Variants in KCNMA1 observed in about 807,000 individuals in gnomAD.
The protein encoded by KCNMA1 is potassium calcium-activated channel subfamily M alpha 1.
Under a neutral mutation model 140.0 loss-of-function variants are expected in KCNMA1, and 29 were observed. The ratio of observed to expected loss-of-function variants is 0.21; its 90% CI spans 0.15 to 0.28. KCNMA1 has a LOEUF of 0.28. Ranked by LOEUF, KCNMA1 falls within the 10% of genes least tolerant of loss-of-function variation. The pLI, the probability that KCNMA1 is intolerant of heterozygous loss-of-function variation, is 1.00. For missense variants in KCNMA1, 880 were observed against 1,602.2 expected (o/e 0.55, Z 7.70); for synonymous variants, 612 against 611.9 (o/e 1.00, Z 0.00).
intron 3 of KCNMA1, among the ~76,000 whole-genome samples, chr10:77,235,151 A>C (rs542354460): frequency 1.3e-5 from 2 of 152,180 alleles, no homozygotes; most frequent in Non-Finnish European, 2.9e-5. Context: ...GCTTCTCTAA[A>C]TATTAGGGCT....
Position 77,108,446 on chromosome 10 carries a change from G to A in KCNMA1, c.1223+35C>T, listed in dbSNP as rs45459294. The A allele has an allele frequency of 0.079, 126,994 of 1,600,762 alleles. 5,753 individuals are homozygous for A. The highest frequency in any genetic ancestry group is 0.092 in the Non-Finnish European group (107,677 of 1,169,310). Reference sequence around the variant, plus strand: ...AATGGCATGCAGAGAGGATTCTACCGCAGCAGAGGCAGCAAAACCTCTTGG... The same window carrying A: ...AATGGCATGCAGAGAGGATTCTACCACAGCAGAGGCAGCAAAACCTCTTGG... On this transcript the variant is annotated intron_variant, in intron 9 of 27. Coordinates refer to ENST00000286628, the MANE Select transcript of KCNMA1 (RefSeq NM_001161352.2). The surrounding 1 kb of genome is among the most constrained non-coding windows in gnomAD (Gnocchi z 4.6).
chr10:77,010,092 A>C (rs1342360855), intron 18 of KCNMA1, among the ~76,000 whole-genome samples: 1 of 152,052 alleles, frequency 6.6e-6, no homozygotes, highest in Non-Finnish European at 1.5e-5. Context: ...TTTCCTTGAT[A>C]CTCTGTGGGA....
intron 19 of KCNMA1, chr10:76,970,469 G>A (rs2075764429): frequency 9.2e-6 from 2 of 216,642 alleles, no homozygotes; most frequent in Admixed American, 1.0e-4. Context: ...CAGAAATAAA[G>A]TTGTATTTGA....
chr10:76,970,039 T>A lies in KCNMA1; in HGVS notation c.2295A>T (p.Ser765=). 6.2e-7 allele frequency: 1 copy of A among 1,613,642 alleles called. No homozygotes were observed. The highest frequency in any genetic ancestry group is 8.5e-7 in the Non-Finnish European group (1 of 1,179,834). ...AFEDEQPSTL[S]PKKKQRNGGM... ...CTCCATTCCGTTGCTTTTTTTTTGG[T>A]GATAGTGTTGACGGCTGCTCATCTT... is the stretch of plus-strand genomic sequence containing the variant. Residue 765 remains serine (S), a synonymous_variant, in exon 20 of 28, where the codon TCA becomes TCT. Coordinates refer to ENST00000286628, the MANE Select transcript of KCNMA1 (RefSeq NM_001161352.2).
intron 1 of KCNMA1, among the ~76,000 whole-genome samples, chr10:77,597,970 G>A (rs1356602638): frequency 1.3e-5 from 2 of 152,050 alleles, no homozygotes; most frequent in Non-Finnish European, 2.9e-5. Flanking sequence ...TTTTTGTTTT[G>A]TTTTGTTTTC....
chr10:77,605,417 T>TA (rs1189258379), intron 1 of KCNMA1, among the ~76,000 whole-genome samples: 1 of 152,044 alleles, frequency 6.6e-6, no homozygotes, highest in Non-Finnish European at 1.5e-5. Context: ...CCCTGAGGAG[T>TA]AACACAACTA....
Position 77,111,709 on chromosome 10 carries a change from T to C in KCNMA1, c.960+658A>G, listed in dbSNP as rs1345839873. Among the ~76,000 whole-genome samples the C allele has an allele frequency of 5.3e-5, 8 of 152,164 alleles. No homozygotes were observed. In the East Asian group the frequency reaches 1.4e-3, roughly 26 times the overall value. On this transcript the variant is annotated intron_variant, in intron 7 of 27. Coordinates refer to ENST00000286628, the MANE Select transcript of KCNMA1 (RefSeq NM_001161352.2). Reference sequence around the variant, plus strand: ...CTTATGCAAATAGAGGCTCAGCCACTGGTGGTCAACTTTATCCAAAGTCTC... The same window carrying C: ...CTTATGCAAATAGAGGCTCAGCCACCGGTGGTCAACTTTATCCAAAGTCTC...
At chr10:77,082,375 C>T (rs991389449) in intron 12 of KCNMA1, among the ~76,000 whole-genome samples, 2 of 152,012 alleles carry the variant, frequency 1.3e-5, no homozygotes, top group Admixed American at 6.6e-5. Flanking sequence ...CACCCTAGTA[C>T]CTATGTGTCT....
intron 19 of KCNMA1, among the ~76,000 whole-genome samples, chr10:76,992,575 C>T (rs2083086535): frequency 6.6e-6 from 1 of 152,178 alleles, no homozygotes; most frequent in South Asian, 2.1e-4. Flanking sequence ...AGCTGGTTGG[C>T]TTGGTGCATT....
intron 15 of KCNMA1, among the ~76,000 whole-genome samples, chr10:77,032,460 C>T (rs1162950971): frequency 6.6e-6 from 1 of 152,116 alleles, no homozygotes; most frequent in African/African-American, 2.4e-5. Flanking sequence ...GGGATAAAAT[C>T]AGCCATAAGC....
rs1375844644 is a variant in KCNMA1 at position 76,877,811 on chromosome 10, AG to A, written c.3506del (p.Ala1169ValfsTer13). ...TGGATTTATATTGGTTGATCTGGTTAGCCATGTGGGTACTCATGGGCTTGAT... is the reference window on the plus strand; with the variant it reads ...TGGATTTATATTGGTTGATCTGGTTACCATGTGGGTACTCATGGGCTTGAT... On this transcript the variant is annotated frameshift_variant, in exon 30 of 30. Transcript: ENST00000372403. LOFTEE classifies it high-confidence loss of function. The A allele has an allele frequency of 1.3e-6, 2 of 1,596,510 alleles. No individual in the cohort carries two copies. Among genetic ancestry groups the A allele is most frequent in the Non-Finnish European group, 1.7e-6 (2 of 1,170,914 alleles).
At chr10:76,914,586 G>T in intron 24 of KCNMA1, 1 of 352,208 alleles carries the variant, frequency 2.8e-6, no homozygotes, top group Non-Finnish European at 5.4e-6. Flanking sequence ...ATGCTCAAAA[G>T]AGGTTCTTAC....
intron 2 of KCNMA1, among the ~76,000 whole-genome samples, chr10:77,254,090 T>C (rs2060195446): frequency 1.3e-5 from 2 of 152,142 alleles, no homozygotes; most frequent in African/African-American, 2.4e-5. Flanking sequence ...CACAAAATGA[T>C]TACATTTTAG....
chr10:77,134,466 A>G (rs2097935669), intron 5 of KCNMA1, among the ~76,000 whole-genome samples: 2 of 152,118 alleles, frequency 1.3e-5, no homozygotes, highest in Admixed American at 1.3e-4. Flanking sequence ...TTTTATCTTA[A>G]CTTGGTTCAA....
chr10:77,175,979 A>G (rs1270720657), intron 5 of KCNMA1, among the ~76,000 whole-genome samples: 2 of 152,226 alleles, frequency 1.3e-5, no homozygotes, highest in Non-Finnish European at 2.9e-5. Flanking sequence ...CACAGCTTTC[A>G]TTCTTGATTA....
rs1038057981 is a variant in KCNMA1 at position 77,401,319 on chromosome 10, C to T, written c.540+2543G>A. On this transcript the variant is annotated intron_variant, in intron 2 of 27. Transcript: ENST00000286628. ...CTACAGGCACCCGCCACCACACTGGCTAATTTTTTGTATTTTTAGTAGAGA... is the reference window on the plus strand; with the variant it reads ...CTACAGGCACCCGCCACCACACTGGTTAATTTTTTGTATTTTTAGTAGAGA... Among the ~76,000 whole-genome samples, 3 of 152,154 alleles carry T rather than the reference C, an allele frequency of 2.0e-5. No homozygotes were observed. The East Asian group carries it at 5.8e-4, about 30-fold the overall frequency.
At chr10:77,053,590 G>A (rs545759317) in intron 14 of KCNMA1, among the ~76,000 whole-genome samples, 120 of 152,270 alleles carry the variant, frequency 7.9e-4, no homozygotes, top group Non-Finnish European at 1.4e-3. Context: ...GACCTTCCCC[G>A]ACATCAGTCA....
intron 2 of KCNMA1, among the ~76,000 whole-genome samples, chr10:77,346,314 T>C (rs750499172): frequency 1.4e-4 from 21 of 152,166 alleles, no homozygotes; most frequent in Non-Finnish European, 2.8e-4. Context: ...ACAACCCACC[T>C]TGGTTCTTCC....
chr10:77,622,514 T>C (rs1231232048), intron 1 of KCNMA1, among the ~76,000 whole-genome samples: 1 of 152,202 alleles, frequency 6.6e-6, no homozygotes, highest in Non-Finnish European at 1.5e-5. Flanking sequence ...GTGAGGATAA[T>C]AATACCACCG....
Sources: allele counts gnomAD v4.1 joint callset (sites outside exome capture counted in the v4.1 genomes callset), GRCh38; gene constraint gnomAD v4.1.1; non-coding constraint Gnocchi (gnomAD v3.1); transcripts MANE v1.5; gene names NCBI Gene and HGNC (gene_info 2026-07-23, HGNC 2026-07-21).